The following DNAJC7 variants were observed in gnomAD, a reference collection of about 807,000 sequenced individuals.
The protein encoded by DNAJC7 is dnaJ homolog subfamily C member 7.
In DNAJC7, 18 loss-of-function variants were observed where a neutral mutation model predicts 67.4. The observed-to-expected ratio is 0.27, with a 90% confidence interval of 0.18 to 0.40. DNAJC7 has a LOEUF of 0.40. Ranked by LOEUF, DNAJC7 falls within the 10% of genes least tolerant of loss-of-function variation. The probability of loss-of-function intolerance (pLI) is 1.00; values close to 1 mark genes in which losing one functional copy is unlikely to be tolerated. For missense variants in DNAJC7, 419 were observed against 613.8 expected, an observed-to-expected ratio of 0.68 and a Z score of 3.35; for synonymous variants, 220 against 207.8, an observed-to-expected ratio of 1.06 and a Z score of -0.50.
chr17:41,987,651 C>T (rs782549302), intron 9 of DNAJC7, 168 bp downstream of exon 9: 7 of 540,128 alleles, frequency 1.3e-5, no homozygotes, highest in East Asian at 1.2e-4. Context: ...CAATCTCCTC[C>T]GCTGGAGGTC....
rs200804483 is a variant in DNAJC7 at position 41,994,388 on chromosome 17, CTT to C, written c.480+480_480+481del. Among the ~76,000 whole-genome samples the C allele has an allele frequency of 8.0e-3, 1,204 of 150,832 alleles. 14 individuals are homozygous for C. The highest frequency in any genetic ancestry group is 0.028 in the African/African-American group (1,146 of 41,068). On this transcript the variant is annotated intron_variant, in intron 5 of 13. Transcript: ENST00000457167. The stretch of plus-strand genomic sequence containing the variant: ...AAAAACAAAAAACAAAACTACAAAA[CTT>C]AGCCAGGTGTGATGGCATGCGCCTG...
rs5820439 is a variant in DNAJC7 at position 41,986,047 on chromosome 17, TAAAAAAAAAAAAAA to T, written c.1010+1758_1010+1771del. On this transcript the variant is annotated intron_variant, in intron 9 of 13. Coordinates refer to ENST00000457167, the MANE Select transcript of DNAJC7 (RefSeq NM_003315.4). ...TTTTCTATGGTGTTGGGGGCTTGCT[TAAAAAAAAAAAAAA>T]AAAAAAAAAAAAAAAAAAGGCCGGG... 6.8e-4 allele frequency: 22 copies of T among 32,570 alleles called. No individual in the cohort carries two copies. In the South Asian group the frequency reaches 0.011, roughly 16 times the overall value. The allele number at this position is 32,570 out of a possible 1,614,324, so 2.0% of individuals were successfully genotyped here.
At chr17:42,008,632 A>G (rs371078020) in intron 1 of DNAJC7, among the ~76,000 whole-genome samples, 1 of 152,106 alleles carries the variant, frequency 6.6e-6, no homozygotes, top group African/African-American at 2.4e-5. Context: ...GGATGGTCTC[A>G]ATCTCCTGAC....
chr17:42,008,094 C>A (rs923332447), intron 1 of DNAJC7, among the ~76,000 whole-genome samples: 9 of 151,662 alleles, frequency 5.9e-5, no homozygotes, highest in Non-Finnish European at 2.9e-5. Context: ...GGGTGGATCA[C>A]CTGAGGTCAG....
chr17:41,991,848 A>T (rs1350705536), intron 5 of DNAJC7, among the ~76,000 whole-genome samples: 1 of 152,044 alleles, frequency 6.6e-6, no homozygotes, highest in African/African-American at 2.4e-5. Flanking sequence ...CTCAGCTAAA[A>T]TTTTAAATTA....
intron 4 of DNAJC7, among the ~76,000 whole-genome samples, chr17:41,995,976 T>C (rs1044197881): frequency 6.6e-6 from 1 of 152,224 alleles, no homozygotes; most frequent in Admixed American, 6.5e-5. Context: ...CTGGCTAATG[T>C]AAAAAATTTT....
At chr17:41,994,777 G>T in intron 5 of DNAJC7, 93 bp downstream of exon 5, 1 of 1,034,206 alleles carries the variant, frequency 9.7e-7, no homozygotes, top group Non-Finnish European at 1.5e-6. Flanking sequence ...TAGAGCTTTT[G>T]TGCCATACTA....
rs114616594 is a variant in DNAJC7 at position 41,996,527 on chromosome 17, C to T, written c.292-103G>A. 900 of 943,068 alleles carry T rather than the reference C, an allele frequency of 9.5e-4. 3 individuals are homozygous for T. The African/African-American group carries it at 0.013, about 14-fold the overall frequency. 58.4% of individuals were successfully genotyped at this position (943,068 alleles called of 1,614,324 possible). A position where few individuals can be genotyped will look rare whatever the true frequency, so the allele number is the denominator to read the frequency against. ...ACACAAAACCAACACAGAGGCCAGG[C>T]GCGGTGACTCACACCTGTAATCCCA... On this transcript the variant is annotated intron_variant, in intron 3 of 13. Coordinates refer to ENST00000457167, the MANE Select transcript of DNAJC7 (RefSeq NM_003315.4).
chr17:42,017,158 G>C (rs1439453814), intron 1 of DNAJC7, 182 bp downstream of exon 1: 1 of 1,499,020 alleles, frequency 6.7e-7, no homozygotes, highest in Non-Finnish European at 8.8e-7. Flanking sequence ...AAGCGGGAGA[G>C]GAAGGCCGAC....
At chr17:41,985,902 C>G (rs57325912) in intron 9 of DNAJC7, 1 of 152,168 alleles carries the variant, frequency 6.6e-6, no homozygotes, top group Admixed American at 6.6e-5. Context: ...AAGGGCAGTT[C>G]TGTTTCTACC....
At position 41,978,612 on chromosome 17, in the gene DNAJC7, CA is replaced by C. The variant is rs200420338; in HGVS notation, c.1385-1290del. ...TGGTGGCTCAGGCCTGTAATCCCAG[CA>C]CTTTGGGAGGCCAAGGTGGGTGGAT... is the stretch of plus-strand genomic sequence containing the variant. On this transcript the variant is annotated intron_variant, in intron 12 of 13. Transcript: ENST00000457167. 5.9e-3 allele frequency among the ~76,000 whole-genome samples: 904 copies of C among 152,346 alleles called. 4 individuals are homozygous for C. The highest frequency in any genetic ancestry group is 0.027 in the Middle Eastern group (8 of 294).
chr17:42,012,631 C>T lies in DNAJC7; in HGVS notation c.77+4709G>A, dbSNP rs190650831. On this transcript the variant is annotated intron_variant, in intron 1 of 13. Transcript: ENST00000457167. Reference sequence around the variant, plus strand: ...TATTAGGTAAAGCAGTCAGCAACTTCCCAGGAAAATATAAAGCCTTAAGTT... The same window carrying T: ...TATTAGGTAAAGCAGTCAGCAACTTTCCAGGAAAATATAAAGCCTTAAGTT... Among the ~76,000 whole-genome samples the T allele has an allele frequency of 1.7e-3, 253 of 152,326 alleles. 1 individual carries two copies. Among genetic ancestry groups the T allele is most frequent in the Non-Finnish European group, 2.9e-3 (199 of 68,034 alleles).
In DNAJC7 at chr17:41,996,163, G is replaced by T. The variant is rs1300190121; in HGVS notation, c.405+148C>A. The T allele has an allele frequency of 1.5e-5, 10 of 686,562 alleles. No homozygotes were observed. In the African/African-American group the frequency reaches 1.5e-4, roughly 10 times the overall value. The allele number at this position is 686,562 out of a possible 1,614,324, so 42.5% of individuals were successfully genotyped here. A position where few individuals can be genotyped will look rare whatever the true frequency, so the allele number is the denominator to read the frequency against. On this transcript the variant is annotated intron_variant, in intron 4 of 13. Coordinates refer to ENST00000457167, the MANE Select transcript of DNAJC7 (RefSeq NM_003315.4). Reference sequence around the variant, plus strand: ...TCATTTTACAGATTAGGAAGCTGAGGCTTAGAGAGGCTATGAAACTCGCCT... The same window carrying T: ...TCATTTTACAGATTAGGAAGCTGAGTCTTAGAGAGGCTATGAAACTCGCCT...
At chr17:42,010,361 G>A (rs917145501) in intron 1 of DNAJC7, among the ~76,000 whole-genome samples, 5 of 151,390 alleles carry the variant, frequency 3.3e-5, no homozygotes, top group African/African-American at 9.7e-5. Flanking sequence ...GCGTGGTGGC[G>A]CATGCCTGTA....
rs567890037 is a variant in DNAJC7, at chr17:41,976,806, G to T, written c.1448-36C>A. On this transcript the variant is annotated intron_variant, in intron 13 of 13. Coordinates refer to ENST00000457167, the MANE Select transcript of DNAJC7 (RefSeq NM_003315.4). The stretch of plus-strand genomic sequence containing the variant: ...AAAGAGGGGTTGGTAGTTGGCTATG[G>T]ATTTTCTAAGGAAGATCACTTTGCT... 1.9e-6 allele frequency: 3 copies of T among 1,600,426 alleles called. No individual in the cohort carries two copies. In the East Asian group the frequency reaches 6.7e-5, roughly 36 times the overall value.
At chr17:41,988,689 A>G (rs1555647236) in intron 8 of DNAJC7, 43 bp downstream of exon 8, 1 of 1,544,388 alleles carries the variant, frequency 6.5e-7, no homozygotes, top group South Asian at 1.3e-5. Context: ...GATGTCCCTT[A>G]AAAATATTTC....
chr17:41,978,655 C>A (rs782235989), intron 12 of DNAJC7, among the ~76,000 whole-genome samples: 2 of 151,748 alleles, frequency 1.3e-5, no homozygotes, highest in South Asian at 4.2e-4. Flanking sequence ...GTCAGGAGAT[C>A]GAGATCATCC....
chr17:41,997,925 T>C (rs1193498015), intron 2 of DNAJC7, among the ~76,000 whole-genome samples: 1 of 152,150 alleles, frequency 6.6e-6, no homozygotes, highest in East Asian at 1.9e-4. Flanking sequence ...TGCAGTGGTA[T>C]GATCTCTGCT....
rs1038939205 is a variant in DNAJC7, at chr17:41,995,124, C to A, written c.406-180G>T. ...GAATGGCCATTTTTATGATCCAGTT[C>A]TAGGGCTCTCTGGCAACTGCGACAG... On this transcript the variant is annotated intron_variant, in intron 4 of 13. Transcript: ENST00000457167. 3.6e-5 allele frequency: 24 copies of A among 667,260 alleles called. No homozygotes were observed. The South Asian group carries it at 3.8e-4, about 11-fold the overall frequency. The allele number at this position is 667,260 out of a possible 1,614,324, so 41.3% of individuals were successfully genotyped here. A position where few individuals can be genotyped will look rare whatever the true frequency, so the allele number is the denominator to read the frequency against.
Sources: allele counts gnomAD v4.1 joint callset (sites outside exome capture counted in the v4.1 genomes callset), GRCh38; gene constraint gnomAD v4.1.1; transcripts MANE v1.5; gene names NCBI Gene and HGNC (gene_info 2026-07-23, HGNC 2026-07-21).